UBE3A: variants seen among roughly 807,000 people sequenced by gnomAD.
The protein encoded by UBE3A is ubiquitin-protein ligase E3A.
Under a neutral mutation model 83.4 loss-of-function variants are expected in UBE3A, and 6 were observed. The ratio of observed to expected loss-of-function variants is 0.07; its 90% CI spans 0.04 to 0.14. The LOEUF (loss-of-function observed/expected upper bound fraction) is 0.14. Ranked by LOEUF, UBE3A falls within the 10% of genes least tolerant of loss-of-function variation. The pLI is 1.00. For missense variants in UBE3A, 456 were observed against 1,036.1 expected (o/e 0.44, Z 7.69); for synonymous variants, 337 against 355.4 (o/e 0.95, Z 0.58).
intron 1 of UBE3A, among the ~76,000 whole-genome samples, chr15:25,422,283 C>T (rs1000436658): frequency 5.9e-5 from 9 of 152,042 alleles, no homozygotes; most frequent in Admixed American, 5.2e-4. Flanking sequence ...GAAATGACTA[C>T]AGACAGGAAG....
rs2073991962 is a variant in UBE3A at position 25,336,963 on chromosome 15, TA to T, written c.*2173del. On this transcript the variant is annotated 3_prime_UTR_variant, in exon 13 of 13. Transcript: ENST00000648336. ...TCCTTATTGTTCAGGGACATTCCAT[TA>T]AATAGTAATGAAAAGGCAGCAAAAG... The T allele has an allele frequency of 6.6e-6, 1 of 152,102 alleles. No homozygotes were observed. Among genetic ancestry groups the T allele is most frequent in the South Asian group, 2.1e-4 (1 of 4,832 alleles). The allele number at this position is 152,102 out of a possible 1,614,324, so 9.4% of individuals were successfully genotyped here.
chr15:25,366,543 TC>T (rs2079131434), intron 6 of UBE3A, among the ~76,000 whole-genome samples: 1 of 152,172 alleles, frequency 6.6e-6, no homozygotes, highest in South Asian at 2.1e-4. Context: ...TTTTTGAACT[TC>T]CCTATTCAAT....
rs1270094184 is a variant in UBE3A at position 25,336,360 on chromosome 15, G to A, written c.*2777C>T. The stretch of plus-strand genomic sequence containing the variant: ...GTCTTGGGACGACATTTCTTCCTCT[G>A]ACAGTTTGTATGGAATTCTTGAGAA... On this transcript the variant is annotated 3_prime_UTR_variant, in exon 13 of 13. Coordinates refer to ENST00000648336, the MANE Select transcript of UBE3A (RefSeq NM_130839.5). 1 of 152,174 alleles carries A rather than the reference G, an allele frequency of 6.6e-6. No homozygotes were observed. The highest frequency in any genetic ancestry group is 2.4e-5 in the African/African-American group (1 of 41,448). The allele number at this position is 152,174 out of a possible 1,614,324, so 9.4% of individuals were successfully genotyped here.
At position 25,371,567 on chromosome 15, in the gene UBE3A, C is replaced by A. The variant is rs771122519; in HGVS notation, c.607G>T (p.Asp203Tyr). The A allele has an allele frequency of 6.2e-7, 1 of 1,614,174 alleles. No individual in the cohort carries two copies. The highest frequency in any genetic ancestry group is 1.1e-5 in the South Asian group (1 of 91,080). Residue 203 changes from aspartate to tyrosine, a missense_variant, in exon 6 of 13, where the codon GAC becomes TAC. Physicochemically the swap from Asp to Tyr is radical, Grantham distance 160. This residue lies in a region of UBE3A where 42 missense variants were observed against 41.8 expected (regional missense o/e 1.00). Transcript: ENST00000648336. The surrounding 1 kb of genome is among the most constrained non-coding windows in gnomAD (Gnocchi z 5.3). ...AACSAAAMEE[D>Y]SEASSSRIGD... Reference sequence around the variant, plus strand: ...ATCCTTGAGGAAGATGCTTCTGAGTCTTCTTCCATAGCAGCAGCAGAACAT... The same window carrying A: ...ATCCTTGAGGAAGATGCTTCTGAGTATTCTTCCATAGCAGCAGCAGAACAT...
At position 25,339,242 on chromosome 15, in the gene UBE3A, A is replaced by G. The variant is rs770936366; in HGVS notation, c.2514T>C (p.His838=). Residue 838 remains histidine (H), a synonymous_variant, in exon 13 of 13, where the codon CAT becomes CAC. Coordinates refer to ENST00000648336, the MANE Select transcript of UBE3A (RefSeq NM_130839.5). ...GAAGTAAAAGCACATTAAAGCAAGT[A>G]TGAGATGTAGGTAACCTAAATAGAG... is the stretch of plus-strand genomic sequence containing the variant. ...GPDTERLPTS[H]TCFNVLLLPE... 1 of 1,612,888 alleles carries G rather than the reference A, an allele frequency of 6.2e-7. No individual in the cohort carries two copies. The highest frequency in any genetic ancestry group is 1.1e-5 in the South Asian group (1 of 91,044).
rs1008349198 is a variant in UBE3A, at chr15:25,339,115, T to C, written c.*22A>G. On this transcript the variant is annotated 3_prime_UTR_variant, in exon 13 of 13. Coordinates refer to ENST00000648336, the MANE Select transcript of UBE3A (RefSeq NM_130839.5). Reference sequence around the variant, plus strand: ...CTTTTTTTTTCCTTCCTTTTTTTTGTTTTATTTTGTTTTGTTTTGTTTTAC... The same window carrying C: ...CTTTTTTTTTCCTTCCTTTTTTTTGCTTTATTTTGTTTTGTTTTGTTTTAC... 6.8e-7 allele frequency: 1 copy of C among 1,479,314 alleles called. No individual in the cohort carries two copies. The highest frequency in any genetic ancestry group is 1.4e-5 in the African/African-American group (1 of 70,178). 91.6% of individuals were successfully genotyped at this position (1,479,314 alleles called of 1,614,324 possible).
In UBE3A at chr15:25,355,806, A is replaced by G. The variant is rs140335344; in HGVS notation, c.2124+86T>C. 5.1e-4 allele frequency: 660 copies of G among 1,303,256 alleles called. 5 individuals are homozygous for G. In the African/African-American group the frequency reaches 8.9e-3, roughly 18 times the overall value. 80.7% of individuals were successfully genotyped at this position (1,303,256 alleles called of 1,614,324 possible). On this transcript the variant is annotated intron_variant, in intron 9 of 12. Coordinates refer to ENST00000648336, the MANE Select transcript of UBE3A (RefSeq NM_130839.5). ...CTTGTTTTTTTTTTGTACAGACTAT[A>G]TTAGATACTTCTTTAAAAATTATAA...
intron 4 of UBE3A, among the ~76,000 whole-genome samples, chr15:25,399,974 CA>C (rs2086679954): frequency 6.6e-6 from 1 of 152,090 alleles, no homozygotes; most frequent in African/African-American, 2.4e-5. Context: ...TTGTTCTTTT[CA>C]CTCATGACAG....
intron 11 of UBE3A, among the ~76,000 whole-genome samples, chr15:25,352,725 T>G (rs1490415619): frequency 6.6e-6 from 1 of 152,224 alleles, no homozygotes; most frequent in Non-Finnish European, 1.5e-5. Context: ...CGAATACTTG[T>G]AGACTATTTA....
At chr15:25,355,356 A>C (rs761193917) in intron 9 of UBE3A, among the ~76,000 whole-genome samples, 14 of 152,188 alleles carry the variant, frequency 9.2e-5, no homozygotes, top group Non-Finnish European at 1.9e-4. Flanking sequence ...TAATCAAAAA[A>C]TTATATCAAT....
chr15:25,341,949 C>CTGG (rs952493121), intron 11 of UBE3A, among the ~76,000 whole-genome samples: 1 of 152,032 alleles, frequency 6.6e-6, no homozygotes, highest in African/African-American at 2.4e-5. Context: ...TCTGAAATAA[C>CTGG]TTAAAAGTTT....
chr15:25,359,750 T>C (rs2077768806), intron 7 of UBE3A, among the ~76,000 whole-genome samples: 1 of 152,120 alleles, frequency 6.6e-6, no homozygotes, highest in African/African-American at 2.4e-5. Context: ...TTCTACTTTA[T>C]CACAAAAGGG....
chr15:25,381,005 T>C (rs1399683552), intron 4 of UBE3A, among the ~76,000 whole-genome samples: 2 of 152,370 alleles, frequency 1.3e-5, no homozygotes, highest in East Asian at 1.9e-4. Flanking sequence ...GAGTTTACTC[T>C]AGACAACTTG....
At chr15:25,420,613 C>A (rs1304857901) in intron 1 of UBE3A, 1 of 152,038 alleles carries the variant, frequency 6.6e-6, no homozygotes, top group African/African-American at 2.4e-5. Context: ...ACTTTTTACA[C>A]CCATTAGAAT....
At chr15:25,386,872 T>A (rs1047048056) in intron 4 of UBE3A, among the ~76,000 whole-genome samples, 2 of 152,128 alleles carry the variant, frequency 1.3e-5, no homozygotes, top group Admixed American at 6.5e-5. Context: ...AAAGAAACAC[T>A]TTCTCAGACA....
At chr15:25,405,562 G>A (rs1037224114) in intron 3 of UBE3A, 60 bp from the exon 4 acceptor site, 10 of 1,556,292 alleles carry the variant, frequency 6.4e-6, no homozygotes, top group East Asian at 2.2e-5. Flanking sequence ...AAAAAAGGTA[G>A]ACATATTACT....
At chr15:25,347,863 CTAACA>C (rs1354544085) in intron 11 of UBE3A, among the ~76,000 whole-genome samples, 1 of 151,906 alleles carries the variant, frequency 6.6e-6, no homozygotes, top group Non-Finnish European at 1.5e-5. Context: ...AGACCTCTCC[CTAACA>C]TATCAATAAT....
At chr15:25,364,665 A>C (rs2078760127) in intron 6 of UBE3A, among the ~76,000 whole-genome samples, 1 of 127,046 alleles carries the variant, frequency 7.9e-6, no homozygotes, top group African/African-American at 3.6e-5. Context: ...TTTTTTTGAG[A>C]CGGAGTCTCG....
intron 4 of UBE3A, among the ~76,000 whole-genome samples, chr15:25,393,008 T>G (rs890329811): frequency 6.6e-6 from 1 of 152,174 alleles, no homozygotes; most frequent in South Asian, 2.1e-4. Context: ...ACTACATTCA[T>G]AAACCATTAG....
Sources: allele counts gnomAD v4.1 joint callset (sites outside exome capture counted in the v4.1 genomes callset), GRCh38; gene constraint gnomAD v4.1.1; regional missense constraint gnomAD v4.1.1; non-coding constraint Gnocchi (gnomAD v3.1); transcripts MANE v1.5; gene names NCBI Gene and HGNC (gene_info 2026-07-23, HGNC 2026-07-21).